LHPP: variants seen among roughly 807,000 people sequenced by gnomAD.
The protein encoded by LHPP is phospholysine phosphohistidine inorganic pyrophosphate phosphatase.
A neutral mutation model predicts 30.3 loss-of-function variants in LHPP; 24 were observed. The ratio of observed to expected loss-of-function variants is 0.79; its 90% CI spans 0.57 to 1.11. The LOEUF (loss-of-function observed/expected upper bound fraction) is 1.11, where lower values mean the gene tolerates loss of function less well. LHPP is among the 50% of genes most tolerant of loss of function. The pLI is 0.00. For missense variants in LHPP, 356 were observed against 367.2 expected (o/e 0.97, Z 0.25); for synonymous variants, 150 against 157.1 (o/e 0.95, Z 0.34).
Position 124,543,330 on chromosome 10 carries a change from C to G in LHPP, c.716+26059C>G, listed in dbSNP as rs544592645. Among the ~76,000 whole-genome samples, 17 of 152,388 alleles carry G rather than the reference C, an allele frequency of 1.1e-4. No homozygotes were observed. In the East Asian group the frequency reaches 3.1e-3, roughly 28 times the overall value. On this transcript the variant is annotated intron_variant, in intron 6 of 6. Coordinates refer to ENST00000368842, the MANE Select transcript of LHPP (RefSeq NM_022126.4). Reference sequence around the variant, plus strand: ...CCTGTCCTCCAGACCCCTAGACACCCCCGGTCGGCCCAGGTGCGGGGTCTG... The same window carrying G: ...CCTGTCCTCCAGACCCCTAGACACCGCCGGTCGGCCCAGGTGCGGGGTCTG...
rs866445657 is a variant in LHPP, at chr10:124,461,859, C to T, written c.-4C>T. 16 of 1,246,296 alleles carry T rather than the reference C, an allele frequency of 1.3e-5. No individual in the cohort carries two copies. In the Middle Eastern group the frequency reaches 9.2e-4, roughly 72 times the overall value. 77.2% of individuals were successfully genotyped at this position (1,246,296 alleles called of 1,614,324 possible). On this transcript the variant is annotated 5_prime_UTR_variant, in exon 1 of 7. Coordinates refer to ENST00000368842, the MANE Select transcript of LHPP (RefSeq NM_022126.4). ...CGCGGAGCTGAGGAGCAGGGCCGGG[C>T]GCCATGGCACCGTGGGGCAAGCGGC...
chr10:124,602,301 C>G (rs1050553613), intron 6 of LHPP, among the ~76,000 whole-genome samples: 1 of 152,232 alleles, frequency 6.6e-6, no homozygotes, highest in East Asian at 1.9e-4. Flanking sequence ...ATGGTGCGCA[C>G]CCCATGGCGC....
intron 1 of LHPP, among the ~76,000 whole-genome samples, chr10:124,472,341 A>G (rs558662353): frequency 1.3e-5 from 2 of 152,264 alleles, no homozygotes; most frequent in East Asian, 3.9e-4. Context: ...TGCAGCAGTG[A>G]ACCACACAAC....
At chr10:124,567,693 T>C (rs1948515125) in intron 6 of LHPP, among the ~76,000 whole-genome samples, 2 of 152,244 alleles carry the variant, frequency 1.3e-5, no homozygotes, top group African/African-American at 4.8e-5. Flanking sequence ...TATGGTCGAC[T>C]GAGCTGTTAC....
intron 6 of LHPP, among the ~76,000 whole-genome samples, chr10:124,565,582 G>A (rs1948473563): frequency 2.0e-5 from 3 of 152,214 alleles, no homozygotes; most frequent in Admixed American, 2.0e-4. Context: ...CTTAAGGGAC[G>A]CACTGGGGAG....
At chr10:124,607,190 A>G (rs1469237819) in intron 6 of LHPP, among the ~76,000 whole-genome samples, 1 of 152,094 alleles carries the variant, frequency 6.6e-6, no homozygotes, top group Non-Finnish European at 1.5e-5. Flanking sequence ...TTCTTGGTTC[A>G]GCTTTTGTAC....
intron 5 of LHPP, among the ~76,000 whole-genome samples, chr10:124,509,671 T>C (rs2133899482): frequency 6.6e-6 from 1 of 152,070 alleles, no homozygotes; most frequent in Non-Finnish European, 1.5e-5. Flanking sequence ...CAGGTCTCTG[T>C]GGGAGCCTGG....
In LHPP at chr10:124,515,522, T is replaced by C. The variant is rs181295547; in HGVS notation, c.625-1658T>C. 3.3e-5 allele frequency among the ~76,000 whole-genome samples: 5 copies of C among 152,366 alleles called. No homozygotes were observed. In the East Asian group the frequency reaches 9.6e-4, roughly 29 times the overall value. ...ATACTTTCCTTCTTTGCACGTCTGA[T>C]CATTTTTTATTGGGTGCCAGACGTG... is the stretch of plus-strand genomic sequence containing the variant. On this transcript the variant is annotated intron_variant, in intron 5 of 6. Transcript: ENST00000368842.
At chr10:124,609,620 CCCCA>C (rs1949140947) in intron 6 of LHPP, among the ~76,000 whole-genome samples, 1 of 152,196 alleles carries the variant, frequency 6.6e-6, no homozygotes, top group South Asian at 2.1e-4. Flanking sequence ...AGGATGTTAG[CCCCA>C]CCCAGGTCAA....
chr10:124,551,992 C>T (rs564927073), intron 6 of LHPP, among the ~76,000 whole-genome samples: 3 of 152,136 alleles, frequency 2.0e-5, no homozygotes, highest in East Asian at 1.9e-4. Context: ...AGCACAGGCA[C>T]GTCCATCCCC....
Position 124,498,126 on chromosome 10 carries a change from C to T in LHPP, c.622C>T (p.Gln208Ter), listed in dbSNP as rs767269162. The T allele has an allele frequency of 1.2e-6, 2 of 1,612,014 alleles. No homozygotes were observed. Among genetic ancestry groups the T allele is most frequent in the South Asian group, 2.2e-5 (2 of 91,040 alleles). The stretch of plus-strand genomic sequence containing the variant: ...GCAAGCGATAGGAGTGGAAGCCCAC[C>T]AGGTAGGTTGGCGCCTTGTGAAGTG... The part of the protein sequence containing the change: ...ALQAIGVEAH[Q>*]AVMIGDDIVG... Residue 208 changes from glutamine (Q) to a stop codon, truncating the protein, a stop_gained and splice_region_variant, in exon 5 of 7, where the codon CAG becomes TAG. Coordinates refer to ENST00000368842, the MANE Select transcript of LHPP (RefSeq NM_022126.4). LOFTEE classifies it high-confidence loss of function.
At chr10:124,611,685 G>T (rs780823042) in intron 6 of LHPP, among the ~76,000 whole-genome samples, 3 of 152,092 alleles carry the variant, frequency 2.0e-5, no homozygotes, top group Non-Finnish European at 4.4e-5. Flanking sequence ...GTAGCCTCCA[G>T]GCCACTGGGC....
At chr10:124,557,992 A>G (rs1286914668) in intron 6 of LHPP, among the ~76,000 whole-genome samples, 3 of 152,034 alleles carry the variant, frequency 2.0e-5, no homozygotes, top group Admixed American at 6.5e-5. Context: ...GACACTGCGC[A>G]TGGTCACATG....
At chr10:124,544,671 G>GGGCAC (rs1392311482) in intron 6 of LHPP, among the ~76,000 whole-genome samples, 10 of 152,350 alleles carry the variant, frequency 6.6e-5, no homozygotes, top group African/African-American at 2.4e-4. Context: ...GCAGAGCTCT[G>GGGCAC]GGCACAAGCC....
At chr10:124,490,498 G>T (rs1046063140) in intron 3 of LHPP, 101 of 354,518 alleles carry the variant, frequency 2.8e-4, no homozygotes, top group Non-Finnish European at 4.0e-5. Context: ...TAGGCAGGTG[G>T]ACATTCTTCT....
intron 6 of LHPP, among the ~76,000 whole-genome samples, chr10:124,520,868 C>G (rs1185656687): frequency 6.6e-6 from 1 of 152,234 alleles, no homozygotes; most frequent in African/African-American, 2.4e-5. Flanking sequence ...ATTTCAGAGA[C>G]TGGGTGGGGA....
intron 6 of LHPP, among the ~76,000 whole-genome samples, chr10:124,537,738 C>G (rs1281798194): frequency 6.6e-6 from 1 of 152,236 alleles, no homozygotes; most frequent in Admixed American, 6.5e-5. Context: ...CCTGTGGGCC[C>G]CACTGCAGTG....
At chr10:124,574,473 C>G (rs771153961) in intron 6 of LHPP, among the ~76,000 whole-genome samples, 1 of 152,182 alleles carries the variant, frequency 6.6e-6, no homozygotes, top group Non-Finnish European at 1.5e-5. Flanking sequence ...CTTTGATCTG[C>G]GGGAGGTGTT....
At chr10:124,504,037 C>A (rs1953988119) in intron 5 of LHPP, among the ~76,000 whole-genome samples, 1 of 151,964 alleles carries the variant, frequency 6.6e-6, no homozygotes, top group South Asian at 2.1e-4. Flanking sequence ...ACTACAAATA[C>A]AAAAATTAGC....
Sources: allele counts gnomAD v4.1 joint callset (sites outside exome capture counted in the v4.1 genomes callset), GRCh38; gene constraint gnomAD v4.1.1; transcripts MANE v1.5; gene names NCBI Gene and HGNC (gene_info 2026-07-23, HGNC 2026-07-21).